Variants in GREB1L observed in about 807,000 individuals in gnomAD.
The protein encoded by GREB1L is GREB1-like protein.
In GREB1L, 17 loss-of-function variants were observed where a neutral mutation model predicts 200.8. The ratio of observed to expected loss-of-function variants is 0.08; its 90% confidence interval spans 0.06 to 0.13. The LOEUF is 0.13. GREB1L is among the 10% of genes least tolerant of loss of function. GREB1L has a pLI of 1.00. For missense variants in GREB1L, 1,657 were observed against 2,367.7 expected (o/e 0.70, Z 6.23); for synonymous variants, 789 against 893.0 (o/e 0.88, Z 2.08).
chr18:21,404,016 C>A, intron 7 of GREB1L, 22 bp downstream of exon 7: 1 of 1,543,806 alleles, frequency 6.5e-7, no homozygotes, highest in Non-Finnish European at 8.8e-7. Flanking sequence ...TTTCTTTTGG[C>A]ATTTCAAGCA....
chr18:21,361,721 TAA>T (rs796247243), intron 1 of GREB1L, among the ~76,000 whole-genome samples: 1 of 143,850 alleles, frequency 7.0e-6, no homozygotes. Flanking sequence ...AAGGGGCCCT[TAA>T]AAAAAAAAAA....
At chr18:21,403,041 G>C (rs1283710451) in intron 6 of GREB1L, among the ~76,000 whole-genome samples, 3 of 152,052 alleles carry the variant, frequency 2.0e-5, no homozygotes, top group Non-Finnish European at 4.4e-5. Context: ...ATAGAAAACT[G>C]CTTCCAGTCC....
intron 1 of GREB1L, among the ~76,000 whole-genome samples, chr18:21,329,481 A>G (rs183041864): frequency 7.9e-5 from 12 of 151,962 alleles, no homozygotes; most frequent in African/African-American, 2.2e-4. Context: ...TTTAACTCCA[A>G]GGATAATTGT....
At chr18:21,317,713 A>G (rs2038893297) in intron 1 of GREB1L, 2 of 152,262 alleles carry the variant, frequency 1.3e-5, no homozygotes, top group South Asian at 2.1e-4. Flanking sequence ...GCTATGAACT[A>G]AAAGCCAATG....
At chr18:21,275,173 G>A (rs1409081452) in intron 1 of GREB1L, among the ~76,000 whole-genome samples, 2 of 151,552 alleles carry the variant, frequency 1.3e-5, no homozygotes, top group Non-Finnish European at 2.9e-5. Flanking sequence ...CCAGGAGGTC[G>A]AGGTTGCAGT....
At chr18:21,374,587 A>G (rs556031746) in intron 2 of GREB1L, among the ~76,000 whole-genome samples, 24 of 152,328 alleles carry the variant, frequency 1.6e-4, no homozygotes, top group African/African-American at 5.5e-4. Context: ...TACCTGTACC[A>G]CAGCTTACTT....
chr18:21,378,871 G>GT (rs369404327), intron 2 of GREB1L, among the ~76,000 whole-genome samples: 595 of 146,152 alleles, frequency 4.1e-3, no homozygotes, highest in Middle Eastern at 0.021. Context: ...TTAATTTAGT[G>GT]TTTTTTTTTT....
chr18:21,302,588 T>G (rs934603744), intron 1 of GREB1L, among the ~76,000 whole-genome samples: 1 of 152,222 alleles, frequency 6.6e-6, no homozygotes, highest in Non-Finnish European at 1.5e-5. Context: ...TCAGGCACAC[T>G]GGGACATAGC....
chr18:21,271,635 G>A (rs1343935072), intron 1 of GREB1L, among the ~76,000 whole-genome samples: 10 of 134,710 alleles, frequency 7.4e-5, no homozygotes, highest in African/African-American at 2.9e-4. Context: ...CTGTGTGACA[G>A]CAAGACCCTG....
chr18:21,520,183 C>G (rs1052017574), intron 31 of GREB1L, among the ~76,000 whole-genome samples: 5 of 152,218 alleles, frequency 3.3e-5, no homozygotes, highest in Non-Finnish European at 7.3e-5. Flanking sequence ...TCAGATGATC[C>G]ATCCACCTCG....
At chr18:21,389,900 A>T (rs2040723505) in intron 4 of GREB1L, among the ~76,000 whole-genome samples, 1 of 152,168 alleles carries the variant, frequency 6.6e-6, no homozygotes, top group South Asian at 2.1e-4. Flanking sequence ...GGCCACAGGG[A>T]AGTCAAGTGA....
At chr18:21,411,065 A>G (rs1341566808) in intron 7 of GREB1L, among the ~76,000 whole-genome samples, 1 of 152,256 alleles carries the variant, frequency 6.6e-6, no homozygotes, top group Non-Finnish European at 1.5e-5. Context: ...ACAAAAGAGA[A>G]TATCCAAGTT....
At chr18:21,483,073 C>G (rs572346471) in intron 17 of GREB1L, among the ~76,000 whole-genome samples, 1 of 152,150 alleles carries the variant, frequency 6.6e-6, no homozygotes, top group Non-Finnish European at 1.5e-5. Context: ...TTTTTAGTAG[C>G]TCTAGTTCTC....
chr18:21,500,968 C>T (rs2036764089), intron 23 of GREB1L, among the ~76,000 whole-genome samples: 1 of 150,774 alleles, frequency 6.6e-6, no homozygotes, highest in Admixed American at 6.6e-5. Flanking sequence ...ACTCAGGAGG[C>T]TGAGGCAGGA....
At chr18:21,259,891 T>A (rs1193753233) in intron 1 of GREB1L, among the ~76,000 whole-genome samples, 1 of 151,904 alleles carries the variant, frequency 6.6e-6, no homozygotes, top group Admixed American at 6.6e-5. Context: ...GGGGTATGAA[T>A]TTGACCACTG....
chr18:21,269,690 A>T (rs1236187837), intron 1 of GREB1L, among the ~76,000 whole-genome samples: 3 of 152,246 alleles, frequency 2.0e-5, no homozygotes, highest in Non-Finnish European at 4.4e-5. Context: ...TTGTTTAAGC[A>T]TACTGGAACA....
intron 11 of GREB1L, among the ~76,000 whole-genome samples, chr18:21,449,301 T>G (rs144582144): frequency 1.7e-3 from 263 of 152,304 alleles, no homozygotes; most frequent in African/African-American, 6.0e-3. Flanking sequence ...CTGATTTTTT[T>G]TACAAAGATT....
At chr18:21,340,205 C>T (rs1393590421) in intron 1 of GREB1L, among the ~76,000 whole-genome samples, 2 of 152,080 alleles carry the variant, frequency 1.3e-5, no homozygotes, top group Non-Finnish European at 2.9e-5. Flanking sequence ...ATCATAAGGT[C>T]AGGAGATCAA....
At chr18:21,490,765 A>G (rs1480308873) in intron 19 of GREB1L, among the ~76,000 whole-genome samples, 2 of 152,284 alleles carry the variant, frequency 1.3e-5, no homozygotes, top group East Asian at 3.9e-4. Flanking sequence ...CTGTTCATCT[A>G]GCCTCTCTGT....
Sources: allele counts gnomAD v4.1 joint callset (sites outside exome capture counted in the v4.1 genomes callset), GRCh38; gene constraint gnomAD v4.1.1; transcripts MANE v1.5; gene names NCBI Gene and HGNC (gene_info 2026-07-23, HGNC 2026-07-21).